Variants in ADAMTS3 observed in about 807,000 individuals in gnomAD.
The protein encoded by ADAMTS3 is A disintegrin and metalloproteinase with thrombospondin motifs 3.
Under a neutral mutation model 129.0 loss-of-function variants are expected in ADAMTS3, and 73 were observed. That is an observed-to-expected ratio of 0.57 (90% CI 0.47 to 0.69). The LOEUF is 0.69. ADAMTS3 is among the 30% of genes least tolerant of loss of function. The pLI is 0.00. For synonymous variants in ADAMTS3, 477 were observed against 510.8 expected, an observed-to-expected ratio of 0.93 and a Z score of 0.89; for missense variants, 1,457 against 1,514.5, an observed-to-expected ratio of 0.96 and a Z score of 0.63.
At position 72,517,060 on chromosome 4, in the gene ADAMTS3, T is replaced by C. The variant is rs531836164; in HGVS notation, c.504+31418A>G. Among the ~76,000 whole-genome samples, 523 of 152,168 alleles carry C rather than the reference T, an allele frequency of 3.4e-3. 5 individuals carry two copies. Among genetic ancestry groups the C allele is most frequent in the African/African-American group, 0.012 (507 of 41,532 alleles). ...TTTAGCATGAAGGGCTGTTGAATTT[T>C]GTCAAAGGCCTTTTCTGCATCTATT... On this transcript the variant is annotated intron_variant, in intron 3 of 21. Transcript: ENST00000286657.
At chr4:72,542,491 T>C (rs1002183227) in intron 3 of ADAMTS3, among the ~76,000 whole-genome samples, 2 of 152,208 alleles carry the variant, frequency 1.3e-5, no homozygotes, top group African/African-American at 4.8e-5. Context: ...ATTGTTATCG[T>C]TGTCAATCCA....
chr4:72,415,902 A>AC, intron 3 of ADAMTS3, among the ~76,000 whole-genome samples: 2 of 152,006 alleles, frequency 1.3e-5, no homozygotes, highest in Middle Eastern at 3.4e-3. Flanking sequence ...TTTATTTGAA[A>AC]ACAAAATTCA....
chr4:72,328,501 T>C (rs940723080), intron 5 of ADAMTS3, among the ~76,000 whole-genome samples: 30 of 152,174 alleles, frequency 2.0e-4, no homozygotes, highest in African/African-American at 7.2e-4. Flanking sequence ...AGCTTAGCAG[T>C]GGAGAGCATG....
chr4:72,317,280 G>A (rs1021889939), intron 10 of ADAMTS3, among the ~76,000 whole-genome samples: 7 of 152,036 alleles, frequency 4.6e-5, no homozygotes, highest in African/African-American at 1.7e-4. Flanking sequence ...TTAAGCCAAA[G>A]CTTTAGAATT....
chr4:72,349,027 A>C (rs1481087954), intron 4 of ADAMTS3, among the ~76,000 whole-genome samples: 2 of 152,006 alleles, frequency 1.3e-5, no homozygotes, highest in Non-Finnish European at 2.9e-5. Flanking sequence ...GAGCTAATAA[A>C]TAGGCATTGT....
intron 4 of ADAMTS3, among the ~76,000 whole-genome samples, chr4:72,368,725 CAT>C (rs370983214): frequency 1.1e-4 from 17 of 152,292 alleles, no homozygotes; most frequent in South Asian, 4.1e-4. Flanking sequence ...CCTAGAAACA[CAT>C]GTTTTAATTC....
chr4:72,530,718 A>T lies in ADAMTS3; in HGVS notation c.504+17760T>A, dbSNP rs867373656. 9.8e-3 allele frequency among the ~76,000 whole-genome samples: 861 copies of T among 87,692 alleles called. 19 individuals are homozygous for T. Among genetic ancestry groups the T allele is most frequent in the African/African-American group, 0.04 (833 of 20,670 alleles). The allele number at this position is 87,692 out of a possible 152,430, so 57.5% of individuals were successfully genotyped here. A position where few individuals can be genotyped will look rare whatever the true frequency, so the allele number is the denominator to read the frequency against. ...GTATCATATATTATATATTATATAT[A>T]ATATTATACATTATATATTATATAT... On this transcript the variant is annotated intron_variant, in intron 3 of 21. Transcript: ENST00000286657.
intron 19 of ADAMTS3, among the ~76,000 whole-genome samples, chr4:72,294,802 T>C (rs1461997613): frequency 6.6e-6 from 1 of 151,872 alleles, no homozygotes; most frequent in African/African-American, 2.4e-5. Flanking sequence ...AATAGAACAG[T>C]ATTTTTGAGT....
intron 3 of ADAMTS3, among the ~76,000 whole-genome samples, chr4:72,506,485 T>C (rs960696449): frequency 6.6e-6 from 1 of 152,196 alleles, no homozygotes; most frequent in Admixed American, 6.5e-5. Flanking sequence ...AGCAGTTCAA[T>C]TGCTGGCCCA....
At chr4:72,287,986 C>T (rs548612454) in intron 21 of ADAMTS3, among the ~76,000 whole-genome samples, 2 of 152,302 alleles carry the variant, frequency 1.3e-5, no homozygotes, top group East Asian at 1.9e-4. Context: ...CTGCCTCTGC[C>T]TCCCAAGTAG....
At chr4:72,324,592 T>C (rs2365700) in intron 5 of ADAMTS3, among the ~76,000 whole-genome samples, 118,173 of 152,098 alleles carry the variant, frequency 0.78, 46,161 homozygotes, top group African/African-American at 0.8. Context: ...CACACACACA[T>C]GTACTCACAT....
rs957656397 is a variant in ADAMTS3, at chr4:72,482,243, T to C, written c.504+66235A>G. 6.6e-5 allele frequency among the ~76,000 whole-genome samples: 10 copies of C among 152,122 alleles called. 1 individual carries two copies. The highest frequency in any genetic ancestry group is 2.4e-4 in the African/African-American group (10 of 41,536). On this transcript the variant is annotated intron_variant, in intron 3 of 21. Coordinates refer to ENST00000286657, the MANE Select transcript of ADAMTS3 (RefSeq NM_014243.3). Reference sequence around the variant, plus strand: ...CACCTTTGGTCACAACAGCCAAAAATTGGAAACAACCTGATGTCTTTCAAT... The same window carrying C: ...CACCTTTGGTCACAACAGCCAAAAACTGGAAACAACCTGATGTCTTTCAAT...
chr4:72,495,743 T>C (rs951513729), intron 3 of ADAMTS3, among the ~76,000 whole-genome samples: 6 of 152,140 alleles, frequency 3.9e-5, no homozygotes, highest in African/African-American at 1.4e-4. Flanking sequence ...ATATTAAATG[T>C]GCTGCCAACC....
chr4:72,315,073 C>T (rs1053385210), intron 11 of ADAMTS3, among the ~76,000 whole-genome samples: 2 of 152,206 alleles, frequency 1.3e-5, no homozygotes, highest in African/African-American at 4.8e-5. Flanking sequence ...CTCTGGGCAT[C>T]CTTCCCTAAG....
At chr4:72,523,070 AAG>A (rs1183863833) in intron 3 of ADAMTS3, among the ~76,000 whole-genome samples, 1 of 152,092 alleles carries the variant, frequency 6.6e-6, no homozygotes, top group East Asian at 1.9e-4. Flanking sequence ...TTAACTTTAT[AAG>A]AGTCTTAGAT....
intron 3 of ADAMTS3, among the ~76,000 whole-genome samples, chr4:72,530,775 T>TA (rs1721015419): frequency 1.0e-5 from 1 of 100,478 alleles, no homozygotes; most frequent in African/African-American, 4.0e-5. Flanking sequence ...AGATTATATA[T>TA]ATTATATTAT....
intron 15 of ADAMTS3, among the ~76,000 whole-genome samples, chr4:72,308,577 C>A (rs542595387): frequency 2.8e-4 from 43 of 152,038 alleles, no homozygotes; most frequent in Admixed American, 6.6e-4. Flanking sequence ...TCTTTAAGTG[C>A]TGAATTCCCA....
chr4:72,387,597 G>T lies in ADAMTS3; in HGVS notation c.661+27218C>A, dbSNP rs115405141. 9.8e-3 allele frequency among the ~76,000 whole-genome samples: 1,489 copies of T among 152,168 alleles called. 18 individuals are homozygous for T. The highest frequency in any genetic ancestry group is 0.034 in the African/African-American group (1,429 of 41,518). ...GAGTCAGCTTGGAGGTGCATATTGGGGCTATCCTGAGTGAGCCTTATCTCA... is the reference window on the plus strand; with the variant it reads ...GAGTCAGCTTGGAGGTGCATATTGGTGCTATCCTGAGTGAGCCTTATCTCA... On this transcript the variant is annotated intron_variant, in intron 4 of 21. Coordinates refer to ENST00000286657, the MANE Select transcript of ADAMTS3 (RefSeq NM_014243.3).
chr4:72,298,002 G>T lies in ADAMTS3; in HGVS notation c.2590+275C>A, dbSNP rs558146985. ...TTGGGAGAGTTTTGGAGTTTGGGAAGAATAAAGTGATTAAGGGTACCACTA... is the reference window on the plus strand; with the variant it reads ...TTGGGAGAGTTTTGGAGTTTGGGAATAATAAAGTGATTAAGGGTACCACTA... On this transcript the variant is annotated intron_variant, in intron 18 of 21. Transcript: ENST00000286657. 1.3e-4 allele frequency among the ~76,000 whole-genome samples: 20 copies of T among 152,144 alleles called. 2 individuals carry two copies. The South Asian group carries it at 4.1e-3, about 32-fold the overall frequency.
Sources: gnomAD v4.1 joint callset for allele counts (sites outside exome capture counted in the v4.1 genomes callset) on GRCh38, gnomAD v4.1.1 for gene constraint, MANE v1.5 for transcripts, NCBI Gene and HGNC (gene_info 2026-07-23, HGNC 2026-07-21) for gene names.